DENND4C: variants seen among roughly 807,000 people sequenced by gnomAD.
DENND4C encodes DENN domain containing 4C.
A neutral mutation model predicts 203.0 loss-of-function variants in DENND4C; 108 were observed. The observed-to-expected ratio is 0.53, with a 90% CI of 0.46 to 0.62. The LOEUF (loss-of-function observed/expected upper bound fraction) is 0.62, where lower values mean the gene tolerates loss of function less well. Ranked by LOEUF, DENND4C falls within the 20% of genes least tolerant of loss-of-function variation. The pLI is 0.00. For synonymous variants in DENND4C, 871 were observed against 792.4 expected (o/e 1.10, Z -1.67); for missense variants, 2,481 against 2,301.2 (o/e 1.08, Z -1.60).
At chr9:19,280,333 G>T (rs554303185) in intron 2 of DENND4C, among the ~76,000 whole-genome samples, 117 of 152,216 alleles carry the variant, frequency 7.7e-4, no homozygotes, top group Middle Eastern at 3.4e-3. Flanking sequence ...TTTTAGTAGA[G>T]ACGGGGTTTC....
At chr9:19,307,569 A>C (rs866252431) in intron 10 of DENND4C, among the ~76,000 whole-genome samples, 2 of 151,846 alleles carry the variant, frequency 1.3e-5, no homozygotes, top group African/African-American at 4.8e-5. Flanking sequence ...CAGGAGTTCA[A>C]GACCACCCTG....
Position 19,372,556 on chromosome 9 carries a change from C to T in DENND4C, c.*383C>T, listed in dbSNP as rs1829015665. On this transcript the variant is annotated 3_prime_UTR_variant, in exon 33 of 33. Coordinates refer to ENST00000434457, the MANE Select transcript of DENND4C (RefSeq NM_001330640.2). Reference sequence around the variant, plus strand: ...AATTAAATTTGCCTAACCCCCAAAACAAATGAAATATCTCAATTATAAAAG... The same window carrying T: ...AATTAAATTTGCCTAACCCCCAAAATAAATGAAATATCTCAATTATAAAAG... 1 of 161,404 alleles carries T rather than the reference C, an allele frequency of 6.2e-6. No homozygotes were observed. The highest frequency in any genetic ancestry group is 6.1e-5 in the Admixed American group (1 of 16,280). The allele number at this position is 161,404 out of a possible 1,614,324, so 10.0% of individuals were successfully genotyped here. A position where few individuals can be genotyped will look rare whatever the true frequency, so the allele number is the denominator to read the frequency against.
intron 12 of DENND4C, among the ~76,000 whole-genome samples, chr9:19,319,389 T>TACATATATATACAC (rs1842470507): frequency 1.5e-5 from 2 of 134,132 alleles, no homozygotes; most frequent in African/African-American, 6.7e-5. Context: ...TACATATATA[T>TACATATATATACAC]ATACATATAT....
intron 31 of DENND4C, among the ~76,000 whole-genome samples, chr9:19,371,235 C>T (rs1296835570): frequency 6.6e-6 from 1 of 152,056 alleles, no homozygotes; most frequent in Non-Finnish European, 1.5e-5. Context: ...GCTCACAAAC[C>T]AAATAAAGGT....
intron 9 of DENND4C, among the ~76,000 whole-genome samples, chr9:19,303,799 T>C (rs1839081496): frequency 6.6e-6 from 1 of 152,186 alleles, no homozygotes; most frequent in Non-Finnish European, 1.5e-5. Context: ...GGGATTTTTA[T>C]AGTAGAAGAA....
At chr9:19,342,022 G>A (rs1046585445) in intron 21 of DENND4C, among the ~76,000 whole-genome samples, 3 of 151,772 alleles carry the variant, frequency 2.0e-5, no homozygotes, top group African/African-American at 7.3e-5. Context: ...TACTGGGGAG[G>A]CTGAGGCAGG....
At chr9:19,316,385 C>G in intron 10 of DENND4C, 32 bp from the exon 11 acceptor site, 1 of 1,555,728 alleles carries the variant, frequency 6.4e-7, no homozygotes, top group Non-Finnish European at 8.8e-7. Flanking sequence ...TTATGAATAA[C>G]ACATTTTATG....
intron 2 of DENND4C, among the ~76,000 whole-genome samples, chr9:19,278,758 G>A (rs1833426771): frequency 6.6e-6 from 1 of 152,106 alleles, no homozygotes; most frequent in Non-Finnish European, 1.5e-5. Flanking sequence ...AGTCAGTATA[G>A]TTAGGATGGT....
intron 1 of DENND4C, among the ~76,000 whole-genome samples, chr9:19,260,550 A>G (rs982917701): frequency 8.5e-5 from 13 of 152,052 alleles, no homozygotes; most frequent in Middle Eastern, 3.2e-3. Context: ...GGTGTGTGCC[A>G]TCACACCCGG....
chr9:19,357,455 A>T (rs971674449), intron 27 of DENND4C: 1 of 321,498 alleles, frequency 3.1e-6, no homozygotes, highest in East Asian at 6.7e-5. Context: ...TTTCTGTGAA[A>T]TGTACACTTG....
intron 12 of DENND4C, among the ~76,000 whole-genome samples, chr9:19,322,528 G>A (rs1222741915): frequency 6.6e-6 from 1 of 151,904 alleles, no homozygotes; most frequent in Non-Finnish European, 1.5e-5. Context: ...TTCGGAGGCC[G>A]AGGTGGGCGG....
chr9:19,315,702 T>TG (rs984044330), intron 10 of DENND4C, among the ~76,000 whole-genome samples: 1 of 151,108 alleles, frequency 6.6e-6, no homozygotes, highest in African/African-American at 2.4e-5. Flanking sequence ...TCTATGGCTT[T>TG]GGGGTTTTTT....
chr9:19,327,565 C>G (rs1016681864), intron 15 of DENND4C, among the ~76,000 whole-genome samples: 1 of 151,802 alleles, frequency 6.6e-6, no homozygotes, highest in African/African-American at 2.4e-5. Context: ...ATAGAAACAG[C>G]CAACAACCTA....
Position 19,273,772 on chromosome 9 carries a change from C to T in DENND4C, c.-17-2386C>T, listed in dbSNP as rs143095625. On this transcript the variant is annotated intron_variant, in intron 1 of 32. Transcript: ENST00000434457. Reference sequence around the variant, plus strand: ...TAAATTAAAAAGACTGATCTTACAACGTGTTGAAGAGGATGTAGAACAATT... The same window carrying T: ...TAAATTAAAAAGACTGATCTTACAATGTGTTGAAGAGGATGTAGAACAATT... Among the ~76,000 whole-genome samples, 102 of 152,058 alleles carry T rather than the reference C, an allele frequency of 6.7e-4. 2 individuals are homozygous for T. Among genetic ancestry groups the T allele is most frequent in the African/African-American group, 2.4e-3 (98 of 41,370 alleles).
chr9:19,259,100 C>G (rs1828707449), intron 1 of DENND4C, among the ~76,000 whole-genome samples: 1 of 152,112 alleles, frequency 6.6e-6, no homozygotes, highest in Non-Finnish European at 1.5e-5. Flanking sequence ...TTTGTTCGAA[C>G]ATTCCAATGG....
chr9:19,337,334 T>C (rs1041895417), intron 20 of DENND4C, among the ~76,000 whole-genome samples: 3 of 152,258 alleles, frequency 2.0e-5, no homozygotes, highest in Admixed American at 1.3e-4. Flanking sequence ...CCTCTGAAGT[T>C]AGAAATAAGT....
chr9:19,327,457 CATG>C lies in DENND4C; in HGVS notation c.2121-572_2121-570del, dbSNP rs892766025. ...TAATAATTTTAATTCTTTTGATAAA[CATG>C]GACCTAGCAAATTCTATTATTGGGT... On this transcript the variant is annotated intron_variant, in intron 15 of 32. Transcript: ENST00000434457. Among the ~76,000 whole-genome samples, 138 of 151,960 alleles carry C rather than the reference CATG, an allele frequency of 9.1e-4. 1 individual carries two copies. The highest frequency in any genetic ancestry group is 3.4e-3 in the Middle Eastern group (1 of 294).
chr9:19,314,781 C>G (rs563433455), intron 10 of DENND4C, among the ~76,000 whole-genome samples: 83 of 152,194 alleles, frequency 5.5e-4, no homozygotes, highest in African/African-American at 2.0e-3. Flanking sequence ...AATCTCTGCC[C>G]TTTTCATTAT....
At chr9:19,268,589 C>G (rs1830992299) in intron 1 of DENND4C, among the ~76,000 whole-genome samples, 1 of 152,076 alleles carries the variant, frequency 6.6e-6, no homozygotes, top group Non-Finnish European at 1.5e-5. Flanking sequence ...TTGAAGAACT[C>G]CCTTTAGTAT....
Sources: allele counts gnomAD v4.1 joint callset (sites outside exome capture counted in the v4.1 genomes callset), GRCh38; gene constraint gnomAD v4.1.1; transcripts MANE v1.5; gene names NCBI Gene and HGNC (gene_info 2026-07-23, HGNC 2026-07-21).